The following USP6NL variants were observed in gnomAD, a reference collection of about 807,000 sequenced individuals.
USP6NL encodes USP6 N-terminal like, also known as USP6 N-terminal-like protein.
USP6NL carries 26 observed loss-of-function variants against 61.9 expected under a neutral mutation model. The ratio of observed to expected loss-of-function variants is 0.42; its 90% CI spans 0.31 to 0.58. The LOEUF (loss-of-function observed/expected upper bound fraction) is 0.58. Among genes scored for constraint, USP6NL ranks in the 20% least tolerant of loss-of-function variants. The pLI, the probability that USP6NL is intolerant of heterozygous loss-of-function variation, is 0.16. For synonymous variants in USP6NL, 432 were observed against 390.1 expected, an observed-to-expected ratio of 1.11 and a Z score of -1.27; for missense variants, 1,114 against 1,034.3, an observed-to-expected ratio of 1.08 and a Z score of -1.06.
At position 11,490,765 on chromosome 10, in the gene USP6NL, G is replaced by T; in HGVS notation, c.543+67C>A. ...TGAGATGCAGAAATGTGCCCACAGG[G>T]CCCTGCTAAGTAGGGAGTACCTCAG... On this transcript the variant is annotated intron_variant, in intron 9 of 14. Coordinates refer to ENST00000609104, the MANE Select transcript of USP6NL (RefSeq NM_014688.5). This position sits in a 1 kb window ranked among gnomAD's most constrained non-coding sequence, Gnocchi z 4.5. 1 of 1,454,378 alleles carries T rather than the reference G, an allele frequency of 6.9e-7. No individual in the cohort carries two copies. Among genetic ancestry groups the T allele is most frequent in the Non-Finnish European group, 9.3e-7 (1 of 1,072,754 alleles). 90.1% of individuals were successfully genotyped at this position (1,454,378 alleles called of 1,614,324 possible). A position where few individuals can be genotyped will look rare whatever the true frequency, so the allele number is the denominator to read the frequency against.
rs1838005753 is a variant in USP6NL at position 11,587,265 on chromosome 10, T to C, written c.4+10366A>G. 6.6e-6 allele frequency among the ~76,000 whole-genome samples: 1 copy of C among 152,226 alleles called. No homozygotes were observed. The highest frequency in any genetic ancestry group is 2.4e-5 in the African/African-American group (1 of 41,462). On this transcript the variant is annotated intron_variant, in intron 2 of 14. Transcript: ENST00000609104. The surrounding 1 kb of genome is among the most constrained non-coding windows in gnomAD (Gnocchi z 4.5). ...CTCTCCCTTAAAACTTGTTTTAAAATCGAAGATTCAAACACCATGACCCCT... is the reference window on the plus strand; with the variant it reads ...CTCTCCCTTAAAACTTGTTTTAAAACCGAAGATTCAAACACCATGACCCCT...
rs1022231911 is a variant in USP6NL at position 11,464,577 on chromosome 10, C to T, written c.1079-728G>A. Among the ~76,000 whole-genome samples the T allele has an allele frequency of 2.6e-5, 4 of 152,140 alleles. No homozygotes were observed. In the East Asian group the frequency reaches 7.7e-4, roughly 29 times the overall value. On this transcript the variant is annotated intron_variant, in intron 14 of 14. Coordinates refer to ENST00000609104, the MANE Select transcript of USP6NL (RefSeq NM_014688.5). The stretch of plus-strand genomic sequence containing the variant: ...TGATCCTCCTCCTCCACTATACCAC[C>T]GTGGAGGCAGTGAGAAGAAGTTGCT...
rs1833680634 is a variant in USP6NL at position 11,490,738 on chromosome 10, T to G, written c.543+94A>C. The G allele has an allele frequency of 8.0e-7, 1 of 1,255,344 alleles. No individual in the cohort carries two copies. 77.8% of individuals were successfully genotyped at this position (1,255,344 alleles called of 1,614,324 possible). ...AAAGAGACCATGGAGACCACCTAGCTCTGAGATGCAGAAATGTGCCCACAG... is the reference window on the plus strand; with the variant it reads ...AAAGAGACCATGGAGACCACCTAGCGCTGAGATGCAGAAATGTGCCCACAG... On this transcript the variant is annotated intron_variant, in intron 9 of 14. Coordinates refer to ENST00000609104, the MANE Select transcript of USP6NL (RefSeq NM_014688.5). This position sits in a 1 kb window ranked among gnomAD's most constrained non-coding sequence, Gnocchi z 4.5.
At chr10:11,571,258 G>GT (rs940674819) in intron 2 of USP6NL, among the ~76,000 whole-genome samples, 2 of 151,790 alleles carry the variant, frequency 1.3e-5, no homozygotes, top group African/African-American at 2.4e-5. Context: ...TAATTTTGTG[G>GT]TTTTTTCAGT....
chr10:11,538,504 G>A (rs1835926992), intron 2 of USP6NL, among the ~76,000 whole-genome samples: 1 of 152,090 alleles, frequency 6.6e-6, no homozygotes, highest in African/African-American at 2.4e-5. Flanking sequence ...CATGGTAGAT[G>A]CTCATTAAAT....
intron 2 of USP6NL, among the ~76,000 whole-genome samples, chr10:11,571,630 ATATTT>A (rs1837365600): frequency 6.6e-6 from 1 of 151,946 alleles, no homozygotes; most frequent in South Asian, 2.1e-4. Context: ...AATTCATATC[ATATTT>A]TAAAGAACTG....
intron 14 of USP6NL, among the ~76,000 whole-genome samples, chr10:11,472,611 A>G (rs1241619470): frequency 6.6e-6 from 1 of 152,240 alleles, no homozygotes; most frequent in Non-Finnish European, 1.5e-5. Context: ...CAGTAAGTCC[A>G]ATTGTATTTT....
rs1322572957 is a variant in USP6NL, at chr10:11,598,872, G to A, written c.-83-1155C>T. 2.6e-5 allele frequency among the ~76,000 whole-genome samples: 4 copies of A among 152,216 alleles called. No individual in the cohort carries two copies. Among genetic ancestry groups the A allele is most frequent in the Non-Finnish European group, 4.4e-5 (3 of 68,052 alleles). On this transcript the variant is annotated intron_variant, in intron 1 of 14. Coordinates refer to ENST00000609104, the MANE Select transcript of USP6NL (RefSeq NM_014688.5). The surrounding 1 kb of genome is among the most constrained non-coding windows in gnomAD (Gnocchi z 4.7). Reference sequence around the variant, plus strand: ...GAAAACAGACTGCATCAGCACTTACGTGCCCAGCATGGCCCGCACACTGTA... The same window carrying A: ...GAAAACAGACTGCATCAGCACTTACATGCCCAGCATGGCCCGCACACTGTA...
rs114210343 is a variant in USP6NL at position 11,502,420 on chromosome 10, G to A, written c.277-1212C>T. On this transcript the variant is annotated intron_variant, in intron 6 of 14. Coordinates refer to ENST00000609104, the MANE Select transcript of USP6NL (RefSeq NM_014688.5). The stretch of plus-strand genomic sequence containing the variant: ...CTCAAAATAACATAAAACCTATTAC[G>A]GTCATCACAATGTTGTGCCTAACAC... Among the ~76,000 whole-genome samples, 460 of 151,916 alleles carry A rather than the reference G, an allele frequency of 3.0e-3. 2 individuals are homozygous for A. The highest frequency in any genetic ancestry group is 8.4e-3 in the African/African-American group (349 of 41,418).
chr10:11,506,557 G>A (rs1222286985), intron 6 of USP6NL, among the ~76,000 whole-genome samples: 3 of 151,982 alleles, frequency 2.0e-5, no homozygotes, highest in African/African-American at 7.3e-5. Flanking sequence ...GCTGAGGCAG[G>A]ACAATCACTT....
At chr10:11,538,255 A>C (rs577806127) in intron 2 of USP6NL, among the ~76,000 whole-genome samples, 4 of 151,980 alleles carry the variant, frequency 2.6e-5, no homozygotes, top group Non-Finnish European at 5.9e-5. Context: ...TTTTTTCTCA[A>C]ATTTAATCAA....
chr10:11,463,413 T>A lies in USP6NL; in HGVS notation c.1515A>T (p.Glu505Asp). 1.9e-6 allele frequency: 3 copies of A among 1,614,042 alleles called. No homozygotes were observed. Among genetic ancestry groups the A allele is most frequent in the South Asian group, 2.2e-5 (2 of 91,086 alleles). Residue 505 changes from glutamate (E) to aspartate (D), a missense_variant, in exon 15 of 15, where the codon GAA (glutamate) becomes GAT (aspartate). Glu to Asp is a conservative substitution (Grantham distance 45). Coordinates refer to ENST00000609104, the MANE Select transcript of USP6NL (RefSeq NM_014688.5). The surrounding 1 kb of genome is among the most constrained non-coding windows in gnomAD (Gnocchi z 6.3). ...CGGGGTGCGCTGCTCGACCTTTGCCTTCCATGGTGTATTTGGCAGTTCTCT... is the reference window on the plus strand; with the variant it reads ...CGGGGTGCGCTGCTCGACCTTTGCCATCCATGGTGTATTTGGCAGTTCTCT... ...ATERTAKYTM[E>D]GKGRAAHPAL...
intron 10 of USP6NL, among the ~76,000 whole-genome samples, chr10:11,488,859 G>A (rs1833588916): frequency 6.6e-6 from 1 of 152,044 alleles, no homozygotes; most frequent in South Asian, 2.1e-4. Flanking sequence ...GGGCAAGTAA[G>A]GAAGAATTTT....
At chr10:11,584,601 TCTC>T (rs1837903358) in intron 2 of USP6NL, among the ~76,000 whole-genome samples, 1 of 152,136 alleles carries the variant, frequency 6.6e-6, no homozygotes, top group Non-Finnish European at 1.5e-5. Context: ...CTATGCATTA[TCTC>T]TCCTCTGACC....
rs1836982548 is a variant in USP6NL at position 11,562,500 on chromosome 10, G to A, written c.5-34933C>T. ...ATTAAGTGTGGCTGAGGAGAAACGT[G>A]AAAAGAGCCGGGTCACTCAAGACAT... On this transcript the variant is annotated intron_variant, in intron 2 of 14. Transcript: ENST00000609104. The surrounding 1 kb of genome is among the most constrained non-coding windows in gnomAD (Gnocchi z 4.8). 1.0e-6 allele frequency: 1 copy of A among 985,404 alleles called. No homozygotes were observed. The highest frequency in any genetic ancestry group is 1.2e-6 in the Non-Finnish European group (1 of 829,924). The allele number at this position is 985,404 out of a possible 1,614,324, so 61.0% of individuals were successfully genotyped here. A position where few individuals can be genotyped will look rare whatever the true frequency, so the allele number is the denominator to read the frequency against.
chr10:11,530,286 T>C (rs1236285628), intron 2 of USP6NL, among the ~76,000 whole-genome samples: 4 of 152,168 alleles, frequency 2.6e-5, no homozygotes, highest in Admixed American at 2.0e-4. Context: ...CTACCAGTCC[T>C]AGGCATCACA....
In USP6NL at chr10:11,463,244, C is replaced by G; in HGVS notation, c.1684G>C (p.Gly562Arg). 1 of 1,613,554 alleles carries G rather than the reference C, an allele frequency of 6.2e-7. No homozygotes were observed. The highest frequency in any genetic ancestry group is 8.5e-7 in the Non-Finnish European group (1 of 1,179,882). ...TCCAGCGCCTCCTCCACGGAAGCGC[C>G]GCTGTCCAGCTCCGGGCCTGGCACG... ...DNVPGPELDS[G>R]ASVEEALERA... Residue 562 changes from glycine (G) to arginine (R), a missense_variant, in exon 15 of 15, where the codon GGC (glycine) becomes CGC (arginine). Gly to Arg is a moderately radical substitution (Grantham distance 125). Coordinates refer to ENST00000609104, the MANE Select transcript of USP6NL (RefSeq NM_014688.5). The surrounding 1 kb of genome is among the most constrained non-coding windows in gnomAD (Gnocchi z 6.3).
rs973180200 is a variant in USP6NL, at chr10:11,520,118, G to A, written c.156-1544C>T. 1.3e-5 allele frequency among the ~76,000 whole-genome samples: 2 copies of A among 152,132 alleles called. No homozygotes were observed. Among genetic ancestry groups the A allele is most frequent in the African/African-American group, 4.8e-5 (2 of 41,406 alleles). ...ATACAACTAACATTTTCACTTAGTC[G>A]AGAGACTTTTAGCACTAATTCAGTG... is the stretch of plus-strand genomic sequence containing the variant. On this transcript the variant is annotated intron_variant, in intron 4 of 14. Coordinates refer to ENST00000609104, the MANE Select transcript of USP6NL (RefSeq NM_014688.5). This position sits in a 1 kb window ranked among gnomAD's most constrained non-coding sequence, Gnocchi z 5.2.
rs925578965 is a variant in USP6NL, at chr10:11,481,436, G to T, written c.1078+334C>A. On this transcript the variant is annotated intron_variant, in intron 14 of 14. Coordinates refer to ENST00000609104, the MANE Select transcript of USP6NL (RefSeq NM_014688.5). This position sits in a 1 kb window ranked among gnomAD's most constrained non-coding sequence, Gnocchi z 4.4. ...ACTATTGTATACGGTTTCACAAAAT[G>T]AGATGAAGAAAGCAAAAAAAAGCTT... Among the ~76,000 whole-genome samples the T allele has an allele frequency of 4.6e-5, 7 of 152,098 alleles. No homozygotes were observed. The highest frequency in any genetic ancestry group is 1.7e-4 in the African/African-American group (7 of 41,388).
Sources: gnomAD v4.1 joint callset for allele counts (sites outside exome capture counted in the v4.1 genomes callset) on GRCh38, gnomAD v4.1.1 for gene constraint, Gnocchi (gnomAD v3.1) non-coding constraint, MANE v1.5 for transcripts, NCBI Gene and HGNC (gene_info 2026-07-23, HGNC 2026-07-21) for gene names.